Variants in MICAL3 observed in about 807,000 individuals in gnomAD.
MICAL3 encodes the protein microtubule associated monooxygenase, calponin and LIM domain containing 3, also known as [F-actin]-monooxygenase MICAL3.
In MICAL3, 62 loss-of-function variants were observed where a neutral mutation model predicts 207.4. The ratio of observed to expected loss-of-function variants is 0.30; its 90% CI spans 0.24 to 0.37. MICAL3 has a LOEUF of 0.37. MICAL3 is among the 10% of genes least tolerant of loss of function. The pLI is 1.00. For missense variants in MICAL3, 2,368 were observed against 2,635.6 expected, an observed-to-expected ratio of 0.90 and a Z score of 2.22; for synonymous variants, 1,077 against 1,069.3, an observed-to-expected ratio of 1.01 and a Z score of -0.14.
rs568142854 is a variant in MICAL3 at position 17,855,788 on chromosome 22, T to C, written c.2605+9111A>G. 2.6e-5 allele frequency among the ~76,000 whole-genome samples: 4 copies of C among 152,316 alleles called. No homozygotes were observed. In the South Asian group the frequency reaches 8.3e-4, roughly 32 times the overall value. On this transcript the variant is annotated intron_variant, in intron 19 of 31. Transcript: ENST00000441493. ...TCCCAACTCTGGGATGGTTGTCAAA[T>C]TGGGAGACCTGTATTTTCCAGGAAT...
chr22:17,810,058 T>C (rs1439606268), intron 28 of MICAL3, among the ~76,000 whole-genome samples: 3 of 67,308 alleles, frequency 4.5e-5, no homozygotes, highest in Non-Finnish European at 9.7e-5. Context: ...CTGGCTATTT[T>C]TTTTTTTTTT....
At chr22:17,972,494 C>T (rs961369255) in intron 1 of MICAL3, among the ~76,000 whole-genome samples, 4 of 152,118 alleles carry the variant, frequency 2.6e-5, no homozygotes, top group East Asian at 1.9e-4. Context: ...CAAGGCACAT[C>T]GGGGAGGGGT....
chr22:17,812,595 GTAATAA>G (rs545904686), intron 27 of MICAL3: 10 of 902,946 alleles, frequency 1.1e-5, no homozygotes, highest in Non-Finnish European at 1.3e-5. Flanking sequence ...AAACAGAATA[GTAATAA>G]TAATAATGAT....
intron 1 of MICAL3, among the ~76,000 whole-genome samples, chr22:17,907,477 C>G (rs1931823061): frequency 1.3e-5 from 2 of 152,214 alleles, no homozygotes; most frequent in South Asian, 4.1e-4. Flanking sequence ...CCTTCCTCAC[C>G]TGCACACGTG....
At chr22:17,852,709 T>A (rs1294310076) in intron 19 of MICAL3, among the ~76,000 whole-genome samples, 1 of 152,194 alleles carries the variant, frequency 6.6e-6, no homozygotes, top group Non-Finnish European at 1.5e-5. Flanking sequence ...GCATAAACCC[T>A]TGCTCTGCCT....
Position 17,832,004 on chromosome 22 carries a change from T to C in MICAL3, c.2905A>G (p.Ile969Val), listed in dbSNP as rs1173940832. The change falls in exon 21 of 32, where the codon ATC becomes GTC. Residue 969 changes from isoleucine to valine, a missense_variant. Ile to Val is a conservative substitution (Grantham distance 29). Around this residue, in one of 4 missense-constraint regions of MICAL3, gnomAD observed 1,770 missense variants for 1,863.2 expected, o/e 0.95. Transcript: ENST00000441493. ...GGVPWKEAVR[I>V]HALLKGKSEE... Reference sequence around the variant, plus strand: ...CTTTTCCCTTTCAGAAGGGCATGGATCCGCACGGCCTCCTTCCACGGAACA... The same window carrying C: ...CTTTTCCCTTTCAGAAGGGCATGGACCCGCACGGCCTCCTTCCACGGAACA... 19 of 1,605,832 alleles carry C rather than the reference T, an allele frequency of 1.2e-5. No homozygotes were observed. Among genetic ancestry groups the C allele is most frequent in the Non-Finnish European group, 1.4e-5 (17 of 1,176,568 alleles).
chr22:17,932,991 A>C (rs1166402312), intron 1 of MICAL3, among the ~76,000 whole-genome samples: 1 of 152,176 alleles, frequency 6.6e-6, no homozygotes, highest in African/African-American at 2.4e-5. Flanking sequence ...GAGACCTACA[A>C]AGAGACTTAG....
At chr22:17,893,725 A>G in intron 11 of MICAL3, 83 bp downstream of exon 11, 2 of 1,036,534 alleles carry the variant, frequency 1.9e-6, no homozygotes, top group Non-Finnish European at 1.5e-6. Context: ...ACTGCCTCGG[A>G]CCGCACCTTG....
chr22:17,875,130 T>TA, intron 16 of MICAL3: 1 of 168,974 alleles, frequency 5.9e-6, no homozygotes, highest in African/African-American at 2.4e-5. Context: ...CATGTGAAGT[T>TA]AAAAAAGCCA....
chr22:18,017,224 T>A (rs1924115596), intron 1 of MICAL3, among the ~76,000 whole-genome samples: 1 of 152,064 alleles, frequency 6.6e-6, no homozygotes, highest in Non-Finnish European at 1.5e-5. Context: ...ACTTTTTTTT[T>A]TTTTTTGAGA....
chr22:17,799,843 G>C (rs1029456839), intron 29 of MICAL3, among the ~76,000 whole-genome samples: 6 of 151,456 alleles, frequency 4.0e-5, no homozygotes, highest in Non-Finnish European at 8.8e-5. Context: ...AAAGCTCCAG[G>C]TTGGGAGGAA....
chr22:17,829,454 C>T (rs1922558775), intron 21 of MICAL3, among the ~76,000 whole-genome samples: 1 of 152,232 alleles, frequency 6.6e-6, no homozygotes, highest in South Asian at 2.1e-4. Flanking sequence ...CAGGCATGAG[C>T]CACTGCACCC....
chr22:17,866,022 G>A lies in MICAL3; in HGVS notation c.2429-10C>T. The A allele has an allele frequency of 6.2e-7, 1 of 1,604,510 alleles. No homozygotes were observed. Among genetic ancestry groups the A allele is most frequent in the Non-Finnish European group, 8.5e-7 (1 of 1,171,298 alleles). ...TTACAGTAGAATTTACCTGCAGACA[G>A]CAAGAGGCAGGGACAGAGGCGATGA... On this transcript the variant is annotated splice_polypyrimidine_tract_variant and intron_variant, in intron 17 of 31. Transcript: ENST00000441493.
intron 1 of MICAL3, among the ~76,000 whole-genome samples, chr22:17,911,439 A>G (rs534779394): frequency 1.3e-5 from 2 of 152,336 alleles, no homozygotes; most frequent in East Asian, 3.8e-4. Context: ...TGAACACACC[A>G]GCGAACGTGC....
chr22:17,831,849 C>G lies in MICAL3; in HGVS notation c.3055+5G>C, dbSNP rs1569085184. The G allele has an allele frequency of 2.6e-6, 4 of 1,550,706 alleles. No individual in the cohort carries two copies. Among genetic ancestry groups the G allele is most frequent in the Non-Finnish European group, 3.5e-6 (4 of 1,146,898 alleles). ...CAGAGTTCGGAGCAGAGATTTTGTTCTGACCTTCACTGGACTCTTCCTCCT... is the reference window on the plus strand; with the variant it reads ...CAGAGTTCGGAGCAGAGATTTTGTTGTGACCTTCACTGGACTCTTCCTCCT... On this transcript the variant is annotated splice_donor_5th_base_variant and intron_variant, in intron 21 of 31. Transcript: ENST00000441493.
At chr22:17,792,119 A>C (rs867762660) in intron 29 of MICAL3, among the ~76,000 whole-genome samples, 4 of 152,222 alleles carry the variant, frequency 2.6e-5, no homozygotes, top group Non-Finnish European at 4.4e-5. Context: ...TCACTGTGGC[A>C]GGAGGACAGA....
chr22:17,856,004 G>C (rs1042950075), intron 19 of MICAL3, among the ~76,000 whole-genome samples: 27 of 152,246 alleles, frequency 1.8e-4, no homozygotes, highest in African/African-American at 6.5e-4. Context: ...CTATGTGCCT[G>C]TTTCCCCATG....
intron 1 of MICAL3, among the ~76,000 whole-genome samples, chr22:17,966,975 G>A (rs1935171055): frequency 6.6e-6 from 1 of 152,210 alleles, no homozygotes; most frequent in Non-Finnish European, 1.5e-5. Context: ...AGGGGAAATA[G>A]GATCCAAGGA....
In MICAL3 at chr22:17,889,247, G is replaced by A; in HGVS notation, c.1695-17C>T. On this transcript the variant is annotated splice_polypyrimidine_tract_variant and intron_variant, in intron 12 of 31. Coordinates refer to ENST00000441493, the MANE Select transcript of MICAL3 (RefSeq NM_015241.3). The stretch of plus-strand genomic sequence containing the variant: ...TCAAAATCTCTGAGAAACAGGACAA[G>A]GAAAACATATCAAGATAGGTTGACA... The A allele has an allele frequency of 6.3e-7, 1 of 1,589,740 alleles. No homozygotes were observed. The highest frequency in any genetic ancestry group is 8.6e-7 in the Non-Finnish European group (1 of 1,158,672).
Sources: gnomAD v4.1 joint callset for allele counts (sites outside exome capture counted in the v4.1 genomes callset) on GRCh38, gnomAD v4.1.1 for gene constraint, gnomAD v4.1.1 regional missense constraint, MANE v1.5 for transcripts, NCBI Gene and HGNC (gene_info 2026-07-23, HGNC 2026-07-21) for gene names.